ADNP: variants seen among roughly 807,000 people sequenced by gnomAD.
The protein encoded by ADNP is activity dependent neuroprotector homeobox, also known as activity-dependent neuroprotector homeobox protein.
In ADNP, 4 loss-of-function variants were observed where a neutral mutation model predicts 84.9. The ratio of observed to expected loss-of-function variants is 0.05; its 90% CI spans 0.02 to 0.11. ADNP has a LOEUF of 0.11. Ranked by LOEUF, ADNP falls within the 10% of genes least tolerant of loss-of-function variation. The pLI, the probability that ADNP is intolerant of heterozygous loss-of-function variation, is 1.00. For missense variants in ADNP, 1,132 were observed against 1,326.0 expected (o/e 0.85, Z 2.27); for synonymous variants, 554 against 468.1 (o/e 1.18, Z -2.37).
At chr20:50,895,623 G>A (rs575325011) in intron 5 of ADNP, among the ~76,000 whole-genome samples, 7 of 152,210 alleles carry the variant, frequency 4.6e-5, no homozygotes, top group African/African-American at 1.7e-4. Flanking sequence ...TCGGCTCACT[G>A]CAGCCTCAAC....
chr20:50,891,163 C>T lies in ADNP; in HGVS notation c.*242G>A. The T allele has an allele frequency of 7.8e-7, 1 of 1,288,262 alleles. No individual in the cohort carries two copies. The highest frequency in any genetic ancestry group is 9.8e-7 in the Non-Finnish European group (1 of 1,021,094). 79.8% of individuals were successfully genotyped at this position (1,288,262 alleles called of 1,614,324 possible). A position where few individuals can be genotyped will look rare whatever the true frequency, so the allele number is the denominator to read the frequency against. ...ACCTCTGCTTTTCCTCGTGTGTATT[C>T]ATGAGTCACCAGCTTATTGGTTTTT... On this transcript the variant is annotated 3_prime_UTR_variant, in exon 6 of 6. Coordinates refer to ENST00000621696, the MANE Select transcript of ADNP (RefSeq NM_001282531.3).
At chr20:50,916,154 G>A (rs889805054) in intron 2 of ADNP, among the ~76,000 whole-genome samples, 7 of 152,016 alleles carry the variant, frequency 4.6e-5, no homozygotes, top group South Asian at 2.1e-4. Flanking sequence ...TATGCAAGGC[G>A]AAAGATGGTA....
rs575735380 is a variant in ADNP, at chr20:50,890,227, G to A, written c.*1178C>T. 9.5e-6 allele frequency: 2 copies of A among 210,974 alleles called. No homozygotes were observed. The highest frequency in any genetic ancestry group is 2.3e-5 in the African/African-American group (1 of 43,786). The allele number at this position is 210,974 out of a possible 1,614,324, so 13.1% of individuals were successfully genotyped here. A position where few individuals can be genotyped will look rare whatever the true frequency, so the allele number is the denominator to read the frequency against. ...TCTATTTGCAGATGACAGATCTTGGGTTTTCCACAAGTTTCCTCTGTGACT... is the reference window on the plus strand; with the variant it reads ...TCTATTTGCAGATGACAGATCTTGGATTTTCCACAAGTTTCCTCTGTGACT... On this transcript the variant is annotated 3_prime_UTR_variant, in exon 6 of 6. Transcript: ENST00000621696.
At chr20:50,916,741 T>G (rs1983539012) in intron 2 of ADNP, among the ~76,000 whole-genome samples, 1 of 152,204 alleles carries the variant, frequency 6.6e-6, no homozygotes, top group African/African-American at 2.4e-5. Context: ...CTTTTCAGAA[T>G]TAGCTTGTTC....
In ADNP at chr20:50,891,930, G is replaced by A. The variant is rs767933419; in HGVS notation, c.2784C>T (p.Asp928=). 1 of 1,614,084 alleles carries A rather than the reference G, an allele frequency of 6.2e-7. No individual in the cohort carries two copies. The highest frequency in any genetic ancestry group is 1.1e-5 in the South Asian group (1 of 91,078). ...CGTATTTTGAACCATCCTCTTTTTGGTCTAGCTTCTCCTCAGATTCTGAAG... is the reference window on the plus strand; with the variant it reads ...CGTATTTTGAACCATCCTCTTTTTGATCTAGCTTCTCCTCAGATTCTGAAG... The part of the protein sequence containing the change: ...EDASESEEKL[D]QKEDGSKYET... Residue 928 remains aspartate, a synonymous_variant, in exon 6 of 6, where the codon GAC becomes GAT. Coordinates refer to ENST00000621696, the MANE Select transcript of ADNP (RefSeq NM_001282531.3).
intron 2 of ADNP, among the ~76,000 whole-genome samples, chr20:50,920,232 A>AGCCTG (rs1983851466): frequency 7.1e-6 from 1 of 140,502 alleles, no homozygotes; most frequent in South Asian, 2.3e-4. Context: ...ACTGCACTCC[A>AGCCTG]GCCTGGGCAA....
intron 5 of ADNP, among the ~76,000 whole-genome samples, chr20:50,897,269 G>A (rs1467798690): frequency 6.6e-6 from 1 of 152,190 alleles, no homozygotes; most frequent in Non-Finnish European, 1.5e-5. Context: ...GGAGCTTGCT[G>A]AGGTCTGCAC....
chr20:50,913,096 C>G (rs908247325), intron 2 of ADNP, among the ~76,000 whole-genome samples: 1 of 151,344 alleles, frequency 6.6e-6, no homozygotes, highest in Admixed American at 6.6e-5. Context: ...ACTAAAAATA[C>G]AATAAAATTA....
intron 5 of ADNP, among the ~76,000 whole-genome samples, chr20:50,898,315 AACATC>A (rs1318375952): frequency 1.3e-5 from 2 of 152,182 alleles, no homozygotes; most frequent in Admixed American, 1.3e-4. Flanking sequence ...CAGTCAATTC[AACATC>A]ACAGCCAGGT....
rs1220136923 is a variant in ADNP at position 50,919,285 on chromosome 20, TTAAGTGTATA to T, written c.-90+9356_-90+9365del. Among the ~76,000 whole-genome samples, 62 of 85,504 alleles carry T rather than the reference TTAAGTGTATA, an allele frequency of 7.3e-4. 2 individuals are homozygous for T. In the East Asian group the frequency reaches 8.2e-3, roughly 11 times the overall value. 56.1% of individuals were successfully genotyped at this position (85,504 alleles called of 152,430 possible). On this transcript the variant is annotated intron_variant, in intron 2 of 5. Coordinates refer to ENST00000621696, the MANE Select transcript of ADNP (RefSeq NM_001282531.3). ...GACCAGCCTGAAAAAATACATATAT[TTAAGTGTATA>T]TATATATATATATATATATATGTAA...
chr20:50,910,495 G>A (rs1418786896), intron 2 of ADNP, among the ~76,000 whole-genome samples: 2 of 152,156 alleles, frequency 1.3e-5, no homozygotes, highest in Non-Finnish European at 2.9e-5. Flanking sequence ...GCTGAGGTGG[G>A]AGGATCACTT....
At chr20:50,899,644 A>G (rs1191302680) in intron 5 of ADNP, among the ~76,000 whole-genome samples, 1 of 152,136 alleles carries the variant, frequency 6.6e-6, no homozygotes, top group East Asian at 1.9e-4. Context: ...ACAGGAAATG[A>G]TGGCTCCATG....
At chr20:50,913,250 C>CCA (rs1983211025) in intron 2 of ADNP, among the ~76,000 whole-genome samples, 1 of 42,892 alleles carries the variant, frequency 2.3e-5, no homozygotes, top group African/African-American at 8.0e-5. Context: ...GACTCTGTCT[C>CCA]AAAAAAAAAA....
chr20:50,928,489 A>C (rs929235627), intron 2 of ADNP, among the ~76,000 whole-genome samples, 162 bp downstream of exon 2: 2 of 152,214 alleles, frequency 1.3e-5, no homozygotes, highest in African/African-American at 4.8e-5. Flanking sequence ...TTATGTTAAT[A>C]AGTGTTCAGA....
intron 2 of ADNP, among the ~76,000 whole-genome samples, chr20:50,916,119 ATTTC>A (rs1422345179): frequency 6.6e-6 from 1 of 152,148 alleles, no homozygotes; most frequent in African/African-American, 2.4e-5. Context: ...TTTTATAACT[ATTTC>A]TTTAGTTAGG....
rs1234418629 is a variant in ADNP at position 50,931,237 on chromosome 20, A to G, written c.-676T>C. ...GCCTGCGGGAGGGGGAGGGGGCACA[A>G]GATGGCGGCGGCCGGGGGGGGGGGG... On this transcript the variant is annotated 5_prime_UTR_variant, in exon 1 of 6. Transcript: ENST00000621696. 1 of 75,874 alleles carries G rather than the reference A, an allele frequency of 1.3e-5. No individual in the cohort carries two copies. The highest frequency in any genetic ancestry group is 2.5e-5 in the Non-Finnish European group (1 of 40,076). The allele number at this position is 75,874 out of a possible 1,614,324, so 4.7% of individuals were successfully genotyped here. A position where few individuals can be genotyped will look rare whatever the true frequency, so the allele number is the denominator to read the frequency against.
rs769505609 is a variant in ADNP at position 50,892,051 on chromosome 20, T to A, written c.2663A>T (p.Glu888Val). 6.2e-7 allele frequency: 1 copy of A among 1,614,198 alleles called. No individual in the cohort carries two copies. The highest frequency in any genetic ancestry group is 1.6e-4 in the Middle Eastern group (1 of 6,062). ...SFENLEEESNESGSPFDPVFE... is the reference protein window; with the variant it reads ...SFENLEEESNVSGSPFDPVFE... Reference sequence around the variant, plus strand: ...AACAGGGTCAAAAGGGCTACCACTTTCATTGGATTCTTCTTCCAAATTTTC... The same window carrying A: ...AACAGGGTCAAAAGGGCTACCACTTACATTGGATTCTTCTTCCAAATTTTC... Residue 888 changes from glutamate (E) to valine (V), a missense_variant, in exon 6 of 6, where the codon GAA becomes GTA. Transcript: ENST00000621696.
At chr20:50,911,510 C>CT (rs371456557) in intron 2 of ADNP, among the ~76,000 whole-genome samples, 14,130 of 141,838 alleles carry the variant, frequency 0.1, 708 homozygotes, top group Middle Eastern at 0.15. Context: ...CTTTTCTTTT[C>CT]TTTTTTTTTT....
intron 2 of ADNP, among the ~76,000 whole-genome samples, chr20:50,920,596 G>A (rs1199919496): frequency 6.7e-6 from 1 of 148,982 alleles, no homozygotes. Flanking sequence ...TTAAGTAAAA[G>A]AGTAGATACC....
Sources: gnomAD v4.1 joint callset for allele counts (sites outside exome capture counted in the v4.1 genomes callset) on GRCh38, gnomAD v4.1.1 for gene constraint, MANE v1.5 for transcripts, NCBI Gene and HGNC (gene_info 2026-07-23, HGNC 2026-07-21) for gene names.